Variants in GDAP1 observed in about 807,000 individuals in gnomAD.
GDAP1 encodes the protein ganglioside induced differentiation associated protein 1.
GDAP1 carries 34 observed loss-of-function variants against 40.1 expected under a neutral mutation model. The ratio of observed to expected loss-of-function variants is 0.85; its 90% CI spans 0.64 to 1.13. GDAP1 has a LOEUF of 1.13. Ranked by LOEUF, GDAP1 falls within the 50% of genes most tolerant of loss-of-function variation. The pLI is 0.00. For synonymous variants in GDAP1, 170 were observed against 157.4 expected, an observed-to-expected ratio of 1.08 and a Z score of -0.60; for missense variants, 374 against 433.7, an observed-to-expected ratio of 0.86 and a Z score of 1.22.
rs1042635966 is a variant in GDAP1 at position 74,360,168 on chromosome 8, A to G, written c.342A>G (p.Glu114=). The part of the protein sequence containing the change: ...ERTPRLMPDK[E]SMYYPRVQHY... The stretch of plus-strand genomic sequence containing the variant: ...CACCCAGGTTAATGCCTGATAAAGA[A>G]AGCATGTATTACCCACGGGTACAAC... Residue 114 remains glutamate, a synonymous_variant, in exon 3 of 6, where the codon GAA becomes GAG. Coordinates refer to ENST00000220822, the MANE Select transcript of GDAP1 (RefSeq NM_018972.4). 1 of 1,613,476 alleles carries G rather than the reference A, an allele frequency of 6.2e-7. No individual in the cohort carries two copies. Among genetic ancestry groups the G allele is most frequent in the African/African-American group, 1.3e-5 (1 of 74,896 alleles).
intron 2 of GDAP1, among the ~76,000 whole-genome samples, chr8:74,461,702 A>G (rs1400852565): frequency 6.6e-6 from 1 of 152,212 alleles, no homozygotes; most frequent in Non-Finnish European, 1.5e-5. Flanking sequence ...ATGCTCTCAG[A>G]CAGGGAAGTA....
intron 2 of GDAP1, among the ~76,000 whole-genome samples, chr8:74,433,591 TC>T (rs1806053076): frequency 6.6e-6 from 1 of 152,228 alleles, no homozygotes; most frequent in South Asian, 2.1e-4. Context: ...TAGGGAATTG[TC>T]TTTTTTTTAA....
downstream of GDAP1, chr8:74,366,914 T>C (rs1212813724): frequency 2.6e-6 from 1 of 378,730 alleles, no homozygotes; most frequent in Non-Finnish European, 5.1e-6. Context: ...AACAGATATA[T>C]TTTTTTCATT....
chr8:74,453,940 A>AACACACAC (rs59331820), intron 2 of GDAP1, among the ~76,000 whole-genome samples: 621 of 59,078 alleles, frequency 0.011, 202 homozygotes, highest in African/African-American at 0.047. Context: ...TTCTGAAGAA[A>AACACACAC]ACACACACAC....
intron 2 of GDAP1, among the ~76,000 whole-genome samples, chr8:74,398,171 G>A (rs62524087): frequency 0.038 from 5,809 of 152,082 alleles, 150 homozygotes; most frequent in Non-Finnish European, 0.061. Context: ...TGTTATTGGT[G>A]TATAAGAATG....
downstream of GDAP1, among the ~76,000 whole-genome samples, chr8:74,370,084 T>C (rs948231660): frequency 4.6e-5 from 7 of 152,202 alleles, no homozygotes; most frequent in African/African-American, 1.7e-4. Context: ...TAAAGGCCAT[T>C]TTCAGACTGA....
At chr8:74,401,401 C>T (rs958967029) in intron 2 of GDAP1, among the ~76,000 whole-genome samples, 4 of 149,928 alleles carry the variant, frequency 2.7e-5, no homozygotes, top group Non-Finnish European at 5.9e-5. Flanking sequence ...CTTTCAGCTC[C>T]GTCAGCTCCT....
At chr8:74,486,737 A>G (rs78495342) in intron 2 of GDAP1, among the ~76,000 whole-genome samples, 6,220 of 152,264 alleles carry the variant, frequency 0.041, 238 homozygotes, top group East Asian at 0.085. Context: ...AGAAGGCCCC[A>G]TGATATTCCC....
In GDAP1 at chr8:74,423,349, T is replaced by C. The variant is rs947488762; in HGVS notation, c.166-65329T>C. Among the ~76,000 whole-genome samples, 9 of 147,178 alleles carry C rather than the reference T, an allele frequency of 6.1e-5. No individual in the cohort carries two copies. The East Asian group carries it at 1.8e-3, about 29-fold the overall frequency. ...CTATTTATTATAGTATAATAAATTATAAATTAAATAATACAAGATAAATAG... is the reference window on the plus strand; with the variant it reads ...CTATTTATTATAGTATAATAAATTACAAATTAAATAATACAAGATAAATAG... On this transcript the variant is annotated intron_variant, in intron 2 of 2. Coordinates refer to the GDAP1 transcript ENST00000523640.
intron 2 of GDAP1, among the ~76,000 whole-genome samples, chr8:74,450,087 G>GT (rs141113894): frequency 0.53 from 78,560 of 148,644 alleles, 20,845 homozygotes; most frequent in South Asian, 0.66. Flanking sequence ...TATTTCCTTT[G>GT]GTTTTTTTTT....
In GDAP1 at chr8:74,422,981, T is replaced by A. The variant is rs114783904; in HGVS notation, c.166-65697T>A. 5.5e-3 allele frequency among the ~76,000 whole-genome samples: 829 copies of A among 150,098 alleles called. 9 individuals are homozygous for A. Among genetic ancestry groups the A allele is most frequent in the African/African-American group, 0.019 (771 of 41,138 alleles). On this transcript the variant is annotated intron_variant, in intron 2 of 2. Transcript: ENST00000523640. ...ACATCATCAGTTCATCTAACAAATA[T>A]TTTTTGAACACCCAATCTATGTAAA...
intron 1 of GDAP1, among the ~76,000 whole-genome samples, 186 bp downstream of exon 1, chr8:74,350,764 T>C (rs935063982): frequency 6.6e-6 from 1 of 152,218 alleles, no homozygotes; most frequent in Admixed American, 6.5e-5. Context: ...CGATCGGAGA[T>C]GATCCTATGT....
intron 2 of GDAP1, among the ~76,000 whole-genome samples, chr8:74,409,110 A>G (rs1408731468): frequency 6.7e-6 from 1 of 149,946 alleles, no homozygotes; most frequent in Non-Finnish European, 1.5e-5. Flanking sequence ...CGTGATTCTG[A>G]TGTGCAATCA....
intron 2 of GDAP1, among the ~76,000 whole-genome samples, chr8:74,376,347 C>CT (rs374478811): frequency 0.19 from 24,062 of 126,948 alleles, 2,684 homozygotes; most frequent in Admixed American, 0.28. Context: ...TTAGAGGGAT[C>CT]TTTTTTTTTT....
At chr8:74,388,937 C>A (rs892737703) in intron 2 of GDAP1, among the ~76,000 whole-genome samples, 29 of 152,152 alleles carry the variant, frequency 1.9e-4, no homozygotes, top group African/African-American at 6.7e-4. Flanking sequence ...TATGTAATGC[C>A]CTTCTTTGTC....
At chr8:74,424,624 C>A (rs1014096302) in intron 2 of GDAP1, among the ~76,000 whole-genome samples, 1 of 152,152 alleles carries the variant, frequency 6.6e-6, no homozygotes, top group African/African-American at 2.4e-5. Flanking sequence ...TGCTACAGCA[C>A]GTGTTTATTT....
At chr8:74,428,633 ATTT>A (rs1195348725) in intron 2 of GDAP1, among the ~76,000 whole-genome samples, 2 of 42,846 alleles carry the variant, frequency 4.7e-5, no homozygotes, top group African/African-American at 9.9e-5. Flanking sequence ...CACCCGGCTA[ATTT>A]TTTTTTTTTT....
intron 5 of GDAP1, 140 bp downstream of exon 5, chr8:74,363,193 A>G (rs1809459972): frequency 1.6e-6 from 1 of 611,706 alleles, no homozygotes; most frequent in African/African-American, 1.8e-5. Flanking sequence ...GATAGCAATA[A>G]TGATATTGCA....
At chr8:74,468,200 G>C (rs190857922) in intron 2 of GDAP1, among the ~76,000 whole-genome samples, 1 of 151,152 alleles carries the variant, frequency 6.6e-6, no homozygotes, top group African/African-American at 2.4e-5. Flanking sequence ...TATTTGTTGG[G>C]CTAATTCATC....
Sources: gnomAD v4.1 joint callset for allele counts (sites outside exome capture counted in the v4.1 genomes callset) on GRCh38, gnomAD v4.1.1 for gene constraint, MANE v1.5 for transcripts, NCBI Gene and HGNC (gene_info 2026-07-23, HGNC 2026-07-21) for gene names.